The following LNPK variants were observed in gnomAD, a reference collection of about 807,000 sequenced individuals.
LNPK encodes the protein endoplasmic reticulum junction formation protein lunapark.
LNPK carries 29 observed loss-of-function variants against 55.2 expected under a neutral mutation model. The observed-to-expected ratio is 0.53, with a 90% CI of 0.39 to 0.72. LNPK has a LOEUF of 0.72. Ranked by LOEUF, LNPK falls within the 30% of genes least tolerant of loss-of-function variation. The pLI is 0.00. For missense variants in LNPK, 467 were observed against 494.8 expected (o/e 0.94, Z 0.53); for synonymous variants, 162 against 168.2 (o/e 0.96, Z 0.29).
In LNPK at chr2:175,987,364, T is replaced by C. The variant is rs553534059; in HGVS notation, c.257+4867A>G. Reference sequence around the variant, plus strand: ...AGCCATAAAAAATGATGAGTTCATGTCCTTTGTATGGACATGGATGAAACT... The same window carrying C: ...AGCCATAAAAAATGATGAGTTCATGCCCTTTGTATGGACATGGATGAAACT... On this transcript the variant is annotated intron_variant, in intron 4 of 12. Transcript: ENST00000272748. 7.4e-4 allele frequency among the ~76,000 whole-genome samples: 112 copies of C among 152,318 alleles called. 1 individual carries two copies. In the Middle Eastern group the frequency reaches 0.02, roughly 28 times the overall value.
At position 175,929,808 on chromosome 2, in the gene LNPK, A is replaced by T. The variant is rs1013575913; in HGVS notation, c.*159T>A. 5 of 1,445,052 alleles carry T rather than the reference A, an allele frequency of 3.5e-6. No homozygotes were observed. In the African/African-American group the frequency reaches 7.2e-5, roughly 21 times the overall value. The allele number at this position is 1,445,052 out of a possible 1,614,324, so 89.5% of individuals were successfully genotyped here. On this transcript the variant is annotated 3_prime_UTR_variant, in exon 13 of 13. Transcript: ENST00000272748. ...CTTGCTTTTAATTTTAATACCCAGT[A>T]TATATAACTTTGAGATGTTCAAATA...
upstream of LNPK, chr2:176,002,384 G>C (rs1455697658): frequency 5.6e-6 from 2 of 357,522 alleles, no homozygotes; most frequent in Non-Finnish European, 1.1e-5. Context: ...GGTAGTTGTT[G>C]GGGCGGGTCG....
chr2:175,993,545 T>G (rs992486454), intron 2 of LNPK, among the ~76,000 whole-genome samples: 7 of 152,160 alleles, frequency 4.6e-5, no homozygotes, highest in African/African-American at 1.7e-4. Flanking sequence ...CCACGCACGG[T>G]GGCTCACGCC....
intron 12 of LNPK, among the ~76,000 whole-genome samples, chr2:175,931,503 G>C (rs1162286841): frequency 2.6e-5 from 4 of 152,012 alleles, no homozygotes; most frequent in Admixed American, 6.6e-5. Context: ...GAGATACCTT[G>C]GACTCTGGCT....
At chr2:175,987,797 T>C (rs1225274814) in intron 4 of LNPK, among the ~76,000 whole-genome samples, 1 of 152,226 alleles carries the variant, frequency 6.6e-6, no homozygotes, top group Non-Finnish European at 1.5e-5. Context: ...ACTTGGAATA[T>C]TACTACAGCA....
intron 4 of LNPK, among the ~76,000 whole-genome samples, chr2:175,985,433 G>A (rs1313872641): frequency 1.3e-5 from 2 of 152,166 alleles, no homozygotes; most frequent in East Asian, 1.9e-4. Context: ...TATGAAAGAC[G>A]TTGGTCTGTT....
chr2:175,929,420 A>G lies in LNPK; in HGVS notation c.*547T>C. ...CAGTTCTACTTAACTGTTCCACTGC[A>G]TTCTTATTGAGAATTCGTACCAGTG... On this transcript the variant is annotated 3_prime_UTR_variant, in exon 13 of 13. Transcript: ENST00000272748. 1.0e-6 allele frequency: 1 copy of G among 986,094 alleles called. No individual in the cohort carries two copies. Among genetic ancestry groups the G allele is most frequent in the Non-Finnish European group, 1.2e-6 (1 of 830,090 alleles). 61.1% of individuals were successfully genotyped at this position (986,094 alleles called of 1,614,324 possible).
intron 8 of LNPK, among the ~76,000 whole-genome samples, chr2:175,962,366 A>G (rs143623638): frequency 8.5e-4 from 130 of 152,302 alleles, no homozygotes; most frequent in Admixed American, 3.9e-3. Context: ...ATATAGACCA[A>G]TGGAACAGAA....
chr2:175,991,021 A>G (rs1687676760), intron 4 of LNPK, among the ~76,000 whole-genome samples: 1 of 152,228 alleles, frequency 6.6e-6, no homozygotes, highest in Non-Finnish European at 1.5e-5. Context: ...TGCCCCCCAA[A>G]AAACTGTTAT....
intron 12 of LNPK, chr2:175,935,689 C>T: frequency 1.4e-6 from 1 of 723,930 alleles, no homozygotes; most frequent in Non-Finnish European, 1.7e-6. Context: ...CCAGTTTTGT[C>T]TTCATGTAAT....
intron 9 of LNPK, among the ~76,000 whole-genome samples, chr2:175,942,087 C>T (rs1684877439): frequency 6.6e-6 from 1 of 151,612 alleles, no homozygotes; most frequent in Non-Finnish European, 1.5e-5. Context: ...AAAAGAAGTC[C>T]TTCAGGCAGA....
intron 1 of LNPK, among the ~76,000 whole-genome samples, chr2:176,001,065 T>C (rs1368001682): frequency 6.6e-6 from 1 of 152,130 alleles, no homozygotes; most frequent in Non-Finnish European, 1.5e-5. Flanking sequence ...ACTATATAAG[T>C]TTACTAACAT....
intron 4 of LNPK, among the ~76,000 whole-genome samples, chr2:175,986,828 A>G (rs186270230): frequency 1.0e-3 from 155 of 152,280 alleles, no homozygotes; most frequent in African/African-American, 3.3e-3. Context: ...AAGTCAGAAT[A>G]ATGCCCAATG....
chr2:175,967,600 A>C, intron 6 of LNPK: 1 of 968,602 alleles, frequency 1.0e-6, no homozygotes, highest in Non-Finnish European at 1.2e-6. Flanking sequence ...TGCAATTCAG[A>C]GTATTAGGGA....
chr2:175,941,122 G>A (rs554665683), intron 9 of LNPK: 138 of 373,884 alleles, frequency 3.7e-4, no homozygotes, highest in African/African-American at 2.8e-3. Context: ...GTAGTGACAT[G>A]CACCTGTAGT....
At chr2:175,990,634 G>T (rs1687660853) in intron 4 of LNPK, among the ~76,000 whole-genome samples, 1 of 152,104 alleles carries the variant, frequency 6.6e-6, no homozygotes, top group Admixed American at 6.6e-5. Context: ...CCTGTGTTAA[G>T]TCTTCTTTCT....
intron 12 of LNPK, among the ~76,000 whole-genome samples, chr2:175,933,325 G>A (rs1290077700): frequency 1.3e-5 from 2 of 152,038 alleles, no homozygotes; most frequent in South Asian, 2.1e-4. Context: ...AGAATATCAT[G>A]TTTAGGTTTT....
intron 12 of LNPK, among the ~76,000 whole-genome samples, chr2:175,931,212 C>T (rs1400611607): frequency 6.6e-6 from 1 of 152,160 alleles, no homozygotes; most frequent in East Asian, 1.9e-4. Flanking sequence ...TATTTTTCCA[C>T]TCTCATAGAT....
At chr2:175,932,244 T>G in intron 12 of LNPK, 1 of 448,284 alleles carries the variant, frequency 2.2e-6, no homozygotes, top group South Asian at 1.6e-5. Flanking sequence ...TAGACTTTAC[T>G]AGTCAAAGCC....
Sources: allele counts gnomAD v4.1 joint callset (sites outside exome capture counted in the v4.1 genomes callset), GRCh38; gene constraint gnomAD v4.1.1; transcripts MANE v1.5; gene names NCBI Gene and HGNC (gene_info 2026-07-23, HGNC 2026-07-21).